ERC2: variants seen among roughly 807,000 people sequenced by gnomAD.
ERC2 encodes the protein ELKS/RAB6-interacting/CAST family member 2.
ERC2 carries 42 observed loss-of-function variants against 114.8 expected under a neutral mutation model. The observed-to-expected ratio is 0.37, with a 90% confidence interval of 0.29 to 0.47. The LOEUF (loss-of-function observed/expected upper bound fraction) is 0.47, where lower values mean the gene tolerates loss of function less well. Among genes scored for constraint, ERC2 ranks in the 20% least tolerant of loss-of-function variants. ERC2 has a pLI of 0.99. For synonymous variants in ERC2, 454 were observed against 425.5 expected (o/e 1.07, Z -0.82); for missense variants, 939 against 1,150.7 (o/e 0.82, Z 2.66).
At chr3:55,648,886 G>T (rs548971859) in intron 17 of ERC2, among the ~76,000 whole-genome samples, 2 of 152,238 alleles carry the variant, frequency 1.3e-5, no homozygotes, top group East Asian at 3.9e-4. Context: ...TGACAAGGGG[G>T]AGCGGCAGAG....
At chr3:55,514,180 T>G (rs1484192902) in intron 17 of ERC2, among the ~76,000 whole-genome samples, 2 of 152,208 alleles carry the variant, frequency 1.3e-5, no homozygotes, top group Non-Finnish European at 2.9e-5. Flanking sequence ...GTGGATATTT[T>G]GAGCCCAGAA....
At chr3:56,337,615 A>G (rs930310870) in intron 2 of ERC2, among the ~76,000 whole-genome samples, 22 of 152,226 alleles carry the variant, frequency 1.4e-4, no homozygotes, top group African/African-American at 5.3e-4. Flanking sequence ...TGCCACCAAA[A>G]TTGGGGATTA....
At chr3:56,030,671 T>A (rs2074325931) in intron 7 of ERC2, among the ~76,000 whole-genome samples, 1 of 152,220 alleles carries the variant, frequency 6.6e-6, no homozygotes, top group Admixed American at 6.5e-5. Context: ...AAGAGTGATG[T>A]CAGTAAGATG....
At chr3:56,334,799 A>G (rs934846629) in intron 2 of ERC2, among the ~76,000 whole-genome samples, 2 of 151,896 alleles carry the variant, frequency 1.3e-5, no homozygotes, top group Non-Finnish European at 2.9e-5. Context: ...AAATCTATTT[A>G]TTTGTTTGTT....
chr3:56,224,279 A>C (rs1368231305), intron 3 of ERC2, among the ~76,000 whole-genome samples: 1 of 152,216 alleles, frequency 6.6e-6, no homozygotes. Context: ...AATTATTTAC[A>C]CAAGGACCTT....
chr3:55,775,822 C>T (rs369442264), intron 14 of ERC2, among the ~76,000 whole-genome samples: 31 of 152,260 alleles, frequency 2.0e-4, no homozygotes, highest in African/African-American at 7.2e-4. Flanking sequence ...CTTTTCCCTG[C>T]GAACTTCTGC....
intron 1 of ERC2, among the ~76,000 whole-genome samples, chr3:56,450,586 G>A (rs2062784099): frequency 6.6e-6 from 1 of 152,120 alleles, no homozygotes; most frequent in Non-Finnish European, 1.5e-5. Flanking sequence ...CAGCATTTTG[G>A]GAGACCAAGG....
At chr3:55,772,175 C>T (rs1028013410) in intron 14 of ERC2, among the ~76,000 whole-genome samples, 12 of 152,204 alleles carry the variant, frequency 7.9e-5, no homozygotes, top group Non-Finnish European at 1.6e-4. Context: ...CAAAGTCTCA[C>T]TCTGTCACCC....
At chr3:56,360,985 G>A (rs2058935081) in intron 2 of ERC2, among the ~76,000 whole-genome samples, 1 of 152,060 alleles carries the variant, frequency 6.6e-6, no homozygotes, top group African/African-American at 2.4e-5. Context: ...CCACTATTGG[G>A]GTAGTCATGC....
rs201904725 is a variant in ERC2, at chr3:55,848,731, AT to A, written c.2564+39657del. The stretch of plus-strand genomic sequence containing the variant: ...CTGATTATGGAAGGGAAGTTTCCTG[AT>A]TGTGGAAACTGATTATTTTCCAAGA... On this transcript the variant is annotated intron_variant, in intron 14 of 17. Coordinates refer to ENST00000288221, the MANE Select transcript of ERC2 (RefSeq NM_015576.3). Among the ~76,000 whole-genome samples the A allele has an allele frequency of 1.3e-3, 191 of 152,260 alleles. 3 individuals carry two copies. The East Asian group carries it at 0.029, about 23-fold the overall frequency.
intron 9 of ERC2, among the ~76,000 whole-genome samples, chr3:56,010,005 G>C (rs1233466346): frequency 6.6e-6 from 1 of 152,152 alleles, no homozygotes; most frequent in African/African-American, 2.4e-5. Flanking sequence ...CCTAATCTGA[G>C]AGTATTGGGT....
intron 2 of ERC2, among the ~76,000 whole-genome samples, chr3:56,364,614 T>C (rs2059082367): frequency 6.6e-6 from 1 of 152,238 alleles, no homozygotes; most frequent in Non-Finnish European, 1.5e-5. Context: ...GATGGCAAGA[T>C]GCAGGGGATC....
intron 3 of ERC2, among the ~76,000 whole-genome samples, chr3:56,288,752 C>A (rs977575353): frequency 6.6e-6 from 1 of 152,128 alleles, no homozygotes; most frequent in African/African-American, 2.4e-5. Context: ...ATGGAGTACT[C>A]GGAGAAAATG....
In ERC2 at chr3:55,909,080, G is replaced by A. The variant is rs143780367; in HGVS notation, c.2404-20531C>T. On this transcript the variant is annotated intron_variant, in intron 13 of 17. Coordinates refer to ENST00000288221, the MANE Select transcript of ERC2 (RefSeq NM_015576.3). ...AGATCAGGCACAGGATGGTTAAATA[G>A]GTCTACAGCCAAAAAGCTGGAAAAT... is the stretch of plus-strand genomic sequence containing the variant. Among the ~76,000 whole-genome samples, 579 of 152,286 alleles carry A rather than the reference G, an allele frequency of 3.8e-3. 2 individuals are homozygous for A. Among genetic ancestry groups the A allele is most frequent in the African/African-American group, 0.013 (553 of 41,552 alleles).
At chr3:56,172,110 C>T (rs975130975) in intron 4 of ERC2, among the ~76,000 whole-genome samples, 1 of 151,090 alleles carries the variant, frequency 6.6e-6, no homozygotes, top group Non-Finnish European at 1.5e-5. Flanking sequence ...GAATTATGAA[C>T]CACTGGCCTA....
chr3:56,338,029 G>A (rs1262190182), intron 2 of ERC2, among the ~76,000 whole-genome samples: 1 of 152,150 alleles, frequency 6.6e-6, no homozygotes, highest in Non-Finnish European at 1.5e-5. Context: ...TGACTAGATG[G>A]TTACATTTGT....
At chr3:56,137,489 T>C (rs1297047083) in intron 6 of ERC2, among the ~76,000 whole-genome samples, 1 of 152,206 alleles carries the variant, frequency 6.6e-6, no homozygotes, top group Non-Finnish European at 1.5e-5. Context: ...AAAATCACAA[T>C]GCCAGAAATT....
intron 14 of ERC2, among the ~76,000 whole-genome samples, chr3:55,772,999 G>A (rs994309901): frequency 6.6e-6 from 1 of 152,128 alleles, no homozygotes; most frequent in Non-Finnish European, 1.5e-5. Flanking sequence ...TCTCATGCCT[G>A]GATTATTGCA....
chr3:56,251,811 T>C (rs993060181), intron 3 of ERC2, among the ~76,000 whole-genome samples: 4 of 152,226 alleles, frequency 2.6e-5, no homozygotes, highest in Non-Finnish European at 5.9e-5. Context: ...TCCGCACTTG[T>C]ATTCAGTCAG....
Sources: allele counts gnomAD v4.1 joint callset (sites outside exome capture counted in the v4.1 genomes callset), GRCh38; gene constraint gnomAD v4.1.1; transcripts MANE v1.5; gene names NCBI Gene and HGNC (gene_info 2026-07-23, HGNC 2026-07-21).